Variants in MRM3 observed in about 807,000 individuals in gnomAD.
MRM3 encodes the protein mitochondrial rRNA methyltransferase 3.
MRM3 carries 26 observed loss-of-function variants against 29.4 expected under a neutral mutation model. The ratio of observed to expected loss-of-function variants is 0.89; its 90% CI spans 0.65 to 1.23. The LOEUF is 1.23. MRM3 is among the 50% of genes most tolerant of loss of function. The pLI, the probability that MRM3 is intolerant of heterozygous loss-of-function variation, is 0.00. For synonymous variants in MRM3, 225 were observed against 219.0 expected (o/e 1.03, Z -0.24); for missense variants, 578 against 540.2 (o/e 1.07, Z -0.69).
chr17:791,388 G>A, intron 3 of MRM3, 146 bp from the exon 4 acceptor site: 1 of 773,482 alleles, frequency 1.3e-6, no homozygotes. Context: ...GATGCTGTCA[G>A]AGAGAGGCAG....
At position 782,469 on chromosome 17, in the gene MRM3, C is replaced by G; in HGVS notation, c.91C>G (p.Arg31Gly). 2 of 1,613,774 alleles carry G rather than the reference C, an allele frequency of 1.2e-6. No homozygotes were observed. The highest frequency in any genetic ancestry group is 1.7e-6 in the Non-Finnish European group (2 of 1,179,812). The part of the protein sequence containing the change: ...AWDLDARRWV[R>G]ALRRSPVKVV... ...GGACCTTGACGCGAGGCGCTGGGTCCGGGCGCTGCGGCGGAGCCCAGTGAA... is the reference window on the plus strand; with the variant it reads ...GGACCTTGACGCGAGGCGCTGGGTCGGGGCGCTGCGGCGGAGCCCAGTGAA... The change falls in exon 1 of 4, where the codon CGG becomes GGG. Residue 31 changes from arginine (R) to glycine (G), a missense_variant. Arg to Gly is a moderately radical substitution (Grantham distance 125). Transcript: ENST00000304478.
chr17:787,831 G>A lies in MRM3; in HGVS notation c.560-134G>A, dbSNP rs142395920. 1.4e-5 allele frequency: 13 copies of A among 926,952 alleles called. No homozygotes were observed. The highest frequency in any genetic ancestry group is 6.6e-5 in the African/African-American group (4 of 60,770). The allele number at this position is 926,952 out of a possible 1,614,324, so 57.4% of individuals were successfully genotyped here. ...CCCGAAGTGTTGGGATTACAGGCAT[G>A]AGCCAGTACACCTGGCCTGTATTCC... is the stretch of plus-strand genomic sequence containing the variant. On this transcript the variant is annotated intron_variant, in intron 2 of 3. Coordinates refer to ENST00000304478, the MANE Select transcript of MRM3 (RefSeq NM_018146.4). The surrounding 1 kb of genome is among the most constrained non-coding windows in gnomAD (Gnocchi z 4.1).
intron 2 of MRM3, 103 bp downstream of exon 2, chr17:783,430 G>C (rs1910338820): frequency 1.7e-6 from 2 of 1,173,100 alleles, no homozygotes; most frequent in Non-Finnish European, 2.3e-6. Context: ...TCCGCCTCTC[G>C]GGTTCAAGGG....
In MRM3 at chr17:783,327, G is replaced by A. The variant is rs1457576196; in HGVS notation, c.559G>A (p.Gly187Arg). Residue 187 changes from glycine to arginine, a missense_variant and splice_region_variant, in exon 2 of 4, where the codon GGG becomes AGG. Gly to Arg is a moderately radical substitution (Grantham distance 125). Coordinates refer to ENST00000304478, the MANE Select transcript of MRM3 (RefSeq NM_018146.4). ...SDLVTPQGIMGIFAKPDHVKM... is the reference protein window; with the variant it reads ...SDLVTPQGIMRIFAKPDHVKM... ...CCTCGTAACGCCACAAGGAATAATG[G>A]GTTAGTGATTACCCAGTGTATCTTT... 6.2e-6 allele frequency: 10 copies of A among 1,601,386 alleles called. No individual in the cohort carries two copies. The highest frequency in any genetic ancestry group is 8.5e-6 in the Non-Finnish European group (10 of 1,174,220).
rs149975218 is a variant in MRM3 at position 782,397 on chromosome 17, C to A, written c.19C>A (p.Pro7Thr). 9.9e-6 allele frequency: 16 copies of A among 1,613,744 alleles called. No individual in the cohort carries two copies. Among genetic ancestry groups the A allele is most frequent in the Non-Finnish European group, 1.4e-5 (16 of 1,179,924 alleles). Reference sequence around the variant, plus strand: ...AGGGAACATGGCGGCGCTGGTGAGACCCGCGAGGTTTGTCGTGCGACCGTT... The same window carrying A: ...AGGGAACATGGCGGCGCTGGTGAGAACCGCGAGGTTTGTCGTGCGACCGTT... MAALVR[P>T]ARFVVRPLLQ... is the part of the protein sequence containing the mutation. The change falls in exon 1 of 4, where the codon CCC becomes ACC. Residue 7 changes from proline (P) to threonine (T), a missense_variant. Physicochemically the swap from Pro to Thr is conservative, Grantham distance 38. Coordinates refer to ENST00000304478, the MANE Select transcript of MRM3 (RefSeq NM_018146.4).
Position 787,875 on chromosome 17 carries a change from A to G in MRM3, c.560-90A>G, listed in dbSNP as rs1910612461. On this transcript the variant is annotated intron_variant, in intron 2 of 3. Coordinates refer to ENST00000304478, the MANE Select transcript of MRM3 (RefSeq NM_018146.4). The surrounding 1 kb of genome is among the most constrained non-coding windows in gnomAD (Gnocchi z 4.1). ...GTATTCCTGTATTTTTATGTAACTA[A>G]GACCATATCAAGATTGATAAGTAAA... 1 of 1,289,738 alleles carries G rather than the reference A, an allele frequency of 7.8e-7. No homozygotes were observed. Among genetic ancestry groups the G allele is most frequent in the Admixed American group, 1.8e-5 (1 of 56,996 alleles). The allele number at this position is 1,289,738 out of a possible 1,614,324, so 79.9% of individuals were successfully genotyped here. A position where few individuals can be genotyped will look rare whatever the true frequency, so the allele number is the denominator to read the frequency against.
chr17:789,545 A>G (rs1027085282), intron 3 of MRM3, among the ~76,000 whole-genome samples: 1 of 152,214 alleles, frequency 6.6e-6, no homozygotes, highest in African/African-American at 2.4e-5. Context: ...AGAGAGTACC[A>G]TTCATCAGAA....
In MRM3 at chr17:783,286, T is replaced by G. The variant is rs370980685; in HGVS notation, c.518T>G (p.Ile173Ser). The part of the protein sequence containing the change: ...VSLIKVKFED[I>S]KDWSDLVTPQ... ...CTCATTAAGGTGAAATTTGAGGATA[T>G]CAAGGATTGGTCCGACCTCGTAACG... is the stretch of plus-strand genomic sequence containing the variant. The change falls in exon 2 of 4, where the codon ATC (isoleucine) becomes AGC (serine). Residue 173 changes from isoleucine (I) to serine (S), a missense_variant. By Grantham distance (142) the Ile-to-Ser change is moderately radical (BLOSUM62 -2). Transcript: ENST00000304478. 116 of 1,613,602 alleles carry G rather than the reference T, an allele frequency of 7.2e-5. No homozygotes were observed. Among genetic ancestry groups the G allele is most frequent in the Non-Finnish European group, 9.6e-5 (113 of 1,179,882 alleles).
At position 788,149 on chromosome 17, in the gene MRM3, C is replaced by T. The variant is rs1406508872; in HGVS notation, c.727+17C>T. On this transcript the variant is annotated intron_variant, in intron 3 of 3. Coordinates refer to ENST00000304478, the MANE Select transcript of MRM3 (RefSeq NM_018146.4). ...TCACCAAAGGTAAGGACATCAAAGG[C>T]CAGGCATAGTGGCTCACACTCGTAA... The T allele has an allele frequency of 1.2e-6, 2 of 1,613,024 alleles. No homozygotes were observed. Among genetic ancestry groups the T allele is most frequent in the East Asian group, 2.2e-5 (1 of 44,882 alleles).
chr17:783,617 G>A (rs1366682144), intron 2 of MRM3: 8 of 294,128 alleles, frequency 2.7e-5, no homozygotes, highest in East Asian at 7.5e-5. Context: ...GATTACAGGC[G>A]TGAGCCACCA....
At chr17:789,013 C>T (rs151085351) in intron 3 of MRM3, among the ~76,000 whole-genome samples, 70 of 152,000 alleles carry the variant, frequency 4.6e-4, no homozygotes, top group Non-Finnish European at 8.1e-4. Flanking sequence ...TTTGTAGAGA[C>T]GGGGTCTTGC....
In MRM3 at chr17:792,373, A is replaced by G. The variant is rs1010646953; in HGVS notation, c.*304A>G. ...GTGCCCAGAAAGTTCCTGAAGCATC[A>G]TCCTGGCAGGGAGGCGCCTGCTCCA... On this transcript the variant is annotated 3_prime_UTR_variant, in exon 4 of 4. Transcript: ENST00000304478. The G allele has an allele frequency of 6.5e-6, 2 of 306,478 alleles. No homozygotes were observed. The highest frequency in any genetic ancestry group is 6.3e-5 in the South Asian group (1 of 15,826). 19.0% of individuals were successfully genotyped at this position (306,478 alleles called of 1,614,324 possible). A position where few individuals can be genotyped will look rare whatever the true frequency, so the allele number is the denominator to read the frequency against.
At chr17:790,827 C>T (rs1910776580) in intron 3 of MRM3, among the ~76,000 whole-genome samples, 1 of 22,070 alleles carries the variant, frequency 4.5e-5, no homozygotes, top group Non-Finnish European at 1.0e-4. Context: ...ACCCCCTGTG[C>T]CGCCACAGCA....
Position 787,059 on chromosome 17 carries a change from A to G in MRM3, c.560-906A>G, listed in dbSNP as rs986469013. Among the ~76,000 whole-genome samples the G allele has an allele frequency of 6.6e-6, 1 of 152,188 alleles. No individual in the cohort carries two copies. Among genetic ancestry groups the G allele is most frequent in the African/African-American group, 2.4e-5 (1 of 41,446 alleles). On this transcript the variant is annotated intron_variant, in intron 2 of 3. Transcript: ENST00000304478. This position sits in a 1 kb window ranked among gnomAD's most constrained non-coding sequence, Gnocchi z 4.1. ...GGAGTTCGAGACCAGCCTGGCCAACATGGCAAAATCCCGTCTCTATTAAAA... is the reference window on the plus strand; with the variant it reads ...GGAGTTCGAGACCAGCCTGGCCAACGTGGCAAAATCCCGTCTCTATTAAAA...
intron 3 of MRM3, 90 bp downstream of exon 3, chr17:788,222 G>C (rs1910631005): frequency 1.5e-6 from 2 of 1,297,104 alleles, no homozygotes; most frequent in Non-Finnish European, 2.2e-6. Flanking sequence ...GAGCCCAGGA[G>C]TTCAGGACCA....
rs149320277 is a variant in MRM3, at chr17:787,072, G to A, written c.560-893G>A. On this transcript the variant is annotated intron_variant, in intron 2 of 3. Transcript: ENST00000304478. The surrounding 1 kb of genome is among the most constrained non-coding windows in gnomAD (Gnocchi z 4.1). ...AGCCTGGCCAACATGGCAAAATCCC[G>A]TCTCTATTAAAAATACAAAAAATTA... is the stretch of plus-strand genomic sequence containing the variant. Among the ~76,000 whole-genome samples, 553 of 152,156 alleles carry A rather than the reference G, an allele frequency of 3.6e-3. 3 individuals carry two copies. The highest frequency in any genetic ancestry group is 6.8e-3 in the Non-Finnish European group (460 of 68,006).
chr17:791,964 G>T lies in MRM3; in HGVS notation c.1158G>T (p.Val386=), dbSNP rs1322144041. The T allele has an allele frequency of 1.2e-6, 2 of 1,614,068 alleles. No individual in the cohort carries two copies. The highest frequency in any genetic ancestry group is 1.7e-6 in the Non-Finnish European group (2 of 1,180,048). The change falls in exon 4 of 4, where the codon GTG becomes GTT. Residue 386 remains valine (V), a synonymous_variant. Coordinates refer to ENST00000304478, the MANE Select transcript of MRM3 (RefSeq NM_018146.4). ...KRLLIPVVPG[V]DSLNSAMAAS... ...TGCTGATCCCCGTTGTGCCTGGTGTGGACAGCCTCAACTCGGCCATGGCGG... is the reference window on the plus strand; with the variant it reads ...TGCTGATCCCCGTTGTGCCTGGTGTTGACAGCCTCAACTCGGCCATGGCGG...
chr17:787,523 A>G lies in MRM3; in HGVS notation c.560-442A>G, dbSNP rs1004271638. Among the ~76,000 whole-genome samples the G allele has an allele frequency of 1.1e-4, 17 of 152,104 alleles. No homozygotes were observed. The highest frequency in any genetic ancestry group is 5.9e-4 in the Admixed American group (9 of 15,252). On this transcript the variant is annotated intron_variant, in intron 2 of 3. Coordinates refer to ENST00000304478, the MANE Select transcript of MRM3 (RefSeq NM_018146.4). The surrounding 1 kb of genome is among the most constrained non-coding windows in gnomAD (Gnocchi z 4.1). ...ATTTTATGTTGTTTGAATTTTGCCA[A>G]TCAGAATGTATTCGTGGTTTTTTTT...
chr17:785,133 T>C (rs775308476), intron 2 of MRM3, among the ~76,000 whole-genome samples: 3 of 152,118 alleles, frequency 2.0e-5, no homozygotes, highest in South Asian at 2.1e-4. Flanking sequence ...TTGATAATTA[T>C]ACATAAAGAG....
Sources: allele counts gnomAD v4.1 joint callset (sites outside exome capture counted in the v4.1 genomes callset), GRCh38; gene constraint gnomAD v4.1.1; non-coding constraint Gnocchi (gnomAD v3.1); transcripts MANE v1.5; gene names NCBI Gene and HGNC (gene_info 2026-07-23, HGNC 2026-07-21).